FBXL17: variants seen among roughly 807,000 people sequenced by gnomAD.
FBXL17 encodes the protein F-box and leucine rich repeat protein 17, also known as F-box/LRR-repeat protein 17.
FBXL17 carries 22 observed loss-of-function variants against 66.2 expected under a neutral mutation model. The observed-to-expected ratio is 0.33, with a 90% CI of 0.24 to 0.47. The LOEUF is 0.47. FBXL17 is among the 20% of genes least tolerant of loss of function. The probability of loss-of-function intolerance (pLI) is 1.00; values close to 1 mark genes in which losing one functional copy is unlikely to be tolerated. For missense variants in FBXL17, 878 were observed against 948.2 expected (o/e 0.93, Z 0.97); for synonymous variants, 474 against 400.5 (o/e 1.18, Z -2.19).
intron 4 of FBXL17, among the ~76,000 whole-genome samples, chr5:108,295,305 A>G (rs1208000874): frequency 1.3e-5 from 2 of 151,854 alleles, no homozygotes; most frequent in African/African-American, 2.4e-5. Context: ...TAAATTTTTA[A>G]TATTTTTTAA....
In FBXL17 at chr5:108,274,333, A is replaced by C. The variant is rs552660512; in HGVS notation, c.1507-50105T>G. Among the ~76,000 whole-genome samples the C allele has an allele frequency of 5.3e-5, 8 of 152,298 alleles. No homozygotes were observed. In the East Asian group the frequency reaches 1.5e-3, roughly 29 times the overall value. On this transcript the variant is annotated intron_variant, in intron 4 of 8. Transcript: ENST00000542267. The stretch of plus-strand genomic sequence containing the variant: ...CCCCCAGGTGCGCATTCTCTTTCTC[A>C]GGGATGTTCCATGCTGAGAAAAAGA...
intron 4 of FBXL17, among the ~76,000 whole-genome samples, chr5:108,331,337 A>G (rs1760114721): frequency 6.6e-6 from 1 of 152,218 alleles, no homozygotes; most frequent in Non-Finnish European, 1.5e-5. Flanking sequence ...TGGAAACTGG[A>G]GAAAACTCCA....
intron 6 of FBXL17, among the ~76,000 whole-genome samples, chr5:108,173,960 T>TTG (rs1295593923): frequency 6.6e-6 from 1 of 152,156 alleles, no homozygotes; most frequent in African/African-American, 2.4e-5. Context: ...ATAATGTGAA[T>TTG]TGTGTCAAAT....
intron 6 of FBXL17, among the ~76,000 whole-genome samples, chr5:108,093,367 T>TGCA (rs1415675230): frequency 2.6e-5 from 4 of 152,040 alleles, no homozygotes; most frequent in Non-Finnish European, 1.5e-5. Context: ...AACTCAGTCC[T>TGCA]GCACCACCCC....
chr5:108,237,405 C>T (rs1477897775), intron 4 of FBXL17, among the ~76,000 whole-genome samples: 2 of 152,170 alleles, frequency 1.3e-5, no homozygotes, highest in Non-Finnish European at 2.9e-5. Flanking sequence ...CATCCCAGTT[C>T]GGTTCAGTTC....
At chr5:108,231,357 G>T (rs750280995) in intron 4 of FBXL17, among the ~76,000 whole-genome samples, 4 of 152,096 alleles carry the variant, frequency 2.6e-5, no homozygotes, top group Non-Finnish European at 5.9e-5. Context: ...GGCAACTACT[G>T]ATCTGCTCCC....
At chr5:108,332,074 A>C (rs1314273863) in intron 4 of FBXL17, among the ~76,000 whole-genome samples, 4 of 152,198 alleles carry the variant, frequency 2.6e-5, no homozygotes, top group African/African-American at 9.6e-5. Flanking sequence ...TCAGACATAT[A>C]TACAAATGTA....
At chr5:107,925,088 T>C (rs765674317) in intron 7 of FBXL17, among the ~76,000 whole-genome samples, 9 of 152,240 alleles carry the variant, frequency 5.9e-5, no homozygotes, top group Non-Finnish European at 8.8e-5. Context: ...ATTTTTCATA[T>C]AGATGTGATG....
intron 6 of FBXL17, among the ~76,000 whole-genome samples, chr5:108,102,618 A>G (rs1749644599): frequency 1.3e-5 from 2 of 152,178 alleles, no homozygotes; most frequent in Admixed American, 6.5e-5. Context: ...AGGGCTCCAG[A>G]CCACAGCAAC....
intron 4 of FBXL17, among the ~76,000 whole-genome samples, chr5:108,273,333 G>A (rs1173755854): frequency 6.7e-6 from 1 of 149,626 alleles, no homozygotes; most frequent in East Asian, 2.1e-4. Context: ...AAAACTTAAA[G>A]TATAATAATA....
At chr5:107,962,041 G>A (rs1561341091) in intron 7 of FBXL17, among the ~76,000 whole-genome samples, 1 of 152,092 alleles carries the variant, frequency 6.6e-6, no homozygotes, top group African/African-American at 2.4e-5. Flanking sequence ...CTATAGATCT[G>A]TTAAATATAC....
At chr5:108,312,262 A>C (rs1232689642) in intron 4 of FBXL17, among the ~76,000 whole-genome samples, 1 of 152,190 alleles carries the variant, frequency 6.6e-6, no homozygotes, top group Non-Finnish European at 1.5e-5. Flanking sequence ...CACAATTTTT[A>C]AAAAATTAAC....
intron 7 of FBXL17, among the ~76,000 whole-genome samples, chr5:107,987,902 T>C (rs915571942): frequency 6.6e-6 from 1 of 152,000 alleles, no homozygotes; most frequent in Non-Finnish European, 1.5e-5. Flanking sequence ...ATGCATTAGA[T>C]GAAACTGAAT....
At chr5:108,140,219 T>C (rs1394714219) in intron 6 of FBXL17, among the ~76,000 whole-genome samples, 1 of 152,164 alleles carries the variant, frequency 6.6e-6, no homozygotes, top group Non-Finnish European at 1.5e-5. Context: ...CTAATTTTTC[T>C]GTTTTCTGTA....
intron 3 of FBXL17, among the ~76,000 whole-genome samples, chr5:108,350,712 G>A (rs1034639887): frequency 1.3e-5 from 2 of 152,164 alleles, no homozygotes; most frequent in Non-Finnish European, 2.9e-5. Flanking sequence ...TTCTAACCCA[G>A]AATTCTGTAC....
intron 6 of FBXL17, among the ~76,000 whole-genome samples, chr5:108,060,800 T>C (rs1012547715): frequency 2.0e-5 from 3 of 151,884 alleles, no homozygotes; most frequent in Non-Finnish European, 2.9e-5. Flanking sequence ...GCCACCTCCA[T>C]ATGCATGTAT....
At chr5:108,107,821 A>AG (rs1443251610) in intron 6 of FBXL17, among the ~76,000 whole-genome samples, 3 of 150,852 alleles carry the variant, frequency 2.0e-5, no homozygotes, top group Admixed American at 2.0e-4. Flanking sequence ...CAAAAAAAAA[A>AG]AAGAAAAGAA....
intron 4 of FBXL17, among the ~76,000 whole-genome samples, chr5:108,314,513 C>G (rs1282292760): frequency 6.6e-6 from 1 of 151,328 alleles, no homozygotes; most frequent in African/African-American, 2.4e-5. Context: ...GTTCCAAATG[C>G]CTTTATTCAC....
At chr5:108,020,059 C>A (rs1414493611) in intron 7 of FBXL17, among the ~76,000 whole-genome samples, 1 of 151,724 alleles carries the variant, frequency 6.6e-6, no homozygotes. Flanking sequence ...GTGTGACATC[C>A]TAGGACTGGA....
Sources: gnomAD v4.1 joint callset for allele counts (sites outside exome capture counted in the v4.1 genomes callset) on GRCh38, gnomAD v4.1.1 for gene constraint, MANE v1.5 for transcripts, NCBI Gene and HGNC (gene_info 2026-07-23, HGNC 2026-07-21) for gene names.